Variants in TICAM2 observed in about 807,000 individuals in gnomAD.
The protein encoded by TICAM2 is TIR domain-containing adapter molecule 2.
Under a neutral mutation model 7.3 loss-of-function variants are expected in TICAM2, and 8 were observed. That is an observed-to-expected ratio of 1.10 (90% CI 0.65 to 1.99). The LOEUF (loss-of-function observed/expected upper bound fraction) is 1.99. Among genes scored for constraint, TICAM2 ranks in the 30% most tolerant of loss-of-function variants. The pLI is 0.00. For missense variants in TICAM2, 304 were observed against 278.8 expected, an observed-to-expected ratio of 1.09 and a Z score of -0.65; for synonymous variants, 113 against 99.6, an observed-to-expected ratio of 1.13 and a Z score of -0.80.
intron 1 of TICAM2, among the ~76,000 whole-genome samples, chr5:115,586,617 T>C (rs924495471): frequency 6.6e-6 from 1 of 152,174 alleles, no homozygotes; most frequent in African/African-American, 2.4e-5. Context: ...GACCGATGAA[T>C]GTAGCAATAT....
rs916305394 is a variant in TICAM2 at position 115,579,184 on chromosome 5, C to A, written c.*1365G>T. 2 of 152,552 alleles carry A rather than the reference C, an allele frequency of 1.3e-5. No homozygotes were observed. Among genetic ancestry groups the A allele is most frequent in the Admixed American group, 6.5e-5 (1 of 15,272 alleles). 9.4% of individuals were successfully genotyped at this position (152,552 alleles called of 1,614,324 possible). A position where few individuals can be genotyped will look rare whatever the true frequency, so the allele number is the denominator to read the frequency against. ...TATGCTGTCAATATACAAAAAATAT[C>A]TTTTCATTATAAGCATATATAAAGC... On this transcript the variant is annotated 3_prime_UTR_variant, in exon 2 of 2. Coordinates refer to ENST00000427199, the MANE Select transcript of TICAM2 (RefSeq NM_021649.7).
chr5:115,597,705 C>A (rs1452310580), intron 1 of TICAM2, among the ~76,000 whole-genome samples: 2 of 152,042 alleles, frequency 1.3e-5, no homozygotes. Context: ...AAGACTGATT[C>A]CAGGGGTTCC....
chr5:115,587,979 A>G (rs1342456279), intron 1 of TICAM2, among the ~76,000 whole-genome samples: 1 of 152,142 alleles, frequency 6.6e-6, no homozygotes, highest in Non-Finnish European at 1.5e-5. Context: ...TGAAAATCAG[A>G]CACAGAATGG....
chr5:115,598,998 G>C (rs1038580759), intron 1 of TICAM2, among the ~76,000 whole-genome samples: 3 of 151,594 alleles, frequency 2.0e-5, no homozygotes, highest in Admixed American at 2.0e-4. Context: ...GGAGGTTGAG[G>C]TGGGAAAATT....
chr5:115,601,284 T>C (rs1755724655), intron 1 of TICAM2, among the ~76,000 whole-genome samples: 1 of 146,116 alleles, frequency 6.8e-6, no homozygotes, highest in South Asian at 2.2e-4. Flanking sequence ...AATAAAAAAA[T>C]AGAAATACAG....
chr5:115,585,520 T>C lies in TICAM2; in HGVS notation c.-59-4205A>G, dbSNP rs576424315. 5.9e-5 allele frequency among the ~76,000 whole-genome samples: 9 copies of C among 152,282 alleles called. No homozygotes were observed. The South Asian group carries it at 1.4e-3, about 25-fold the overall frequency. ...CTGGTGCATGCTTCTTAGATTATCA[T>C]GGACAAGCAGTTTGAATAACCTTGC... On this transcript the variant is annotated intron_variant, in intron 1 of 1. Transcript: ENST00000427199.
At chr5:115,584,847 C>T (rs1204181771) in intron 1 of TICAM2, among the ~76,000 whole-genome samples, 2 of 152,086 alleles carry the variant, frequency 1.3e-5, no homozygotes, top group African/African-American at 4.8e-5. Flanking sequence ...CAGAATTTAT[C>T]CACTTCATAT....
At chr5:115,583,721 G>A (rs1755009998) in intron 1 of TICAM2, among the ~76,000 whole-genome samples, 1 of 152,194 alleles carries the variant, frequency 6.6e-6, no homozygotes, top group African/African-American at 2.4e-5. Context: ...GGGAGGAAGT[G>A]AGAGGACACG....
chr5:115,593,398 A>G, intron 1 of TICAM2, among the ~76,000 whole-genome samples: 1 of 88,628 alleles, frequency 1.1e-5, no homozygotes, highest in Non-Finnish European at 2.1e-5. Context: ...GATAAAAGAT[A>G]AAATTACAAA....
chr5:115,597,504 TATGA>T (rs1270553285), intron 1 of TICAM2, among the ~76,000 whole-genome samples: 4 of 152,226 alleles, frequency 2.6e-5, no homozygotes, highest in Non-Finnish European at 5.9e-5. Flanking sequence ...TAAAAATGTT[TATGA>T]ATGTTATGAA....
At chr5:115,594,091 G>A (rs1201178396) in intron 1 of TICAM2, among the ~76,000 whole-genome samples, 1 of 152,260 alleles carries the variant, frequency 6.6e-6, no homozygotes. Context: ...TCTTCTGCCA[G>A]GATGTCCAGC....
intron 1 of TICAM2, among the ~76,000 whole-genome samples, chr5:115,590,282 T>C (rs1223139638): frequency 6.6e-6 from 1 of 152,130 alleles, no homozygotes; most frequent in Non-Finnish European, 1.5e-5. Flanking sequence ...TGCACTCTAG[T>C]TTAGGCAACA....
chr5:115,594,476 C>G (rs1388955524), intron 1 of TICAM2, among the ~76,000 whole-genome samples: 2 of 152,110 alleles, frequency 1.3e-5, no homozygotes, highest in African/African-American at 4.8e-5. Flanking sequence ...ACATTTTTTG[C>G]TAGTAGATCA....
In TICAM2 at chr5:115,578,577, A is replaced by G. The variant is rs1461120749; in HGVS notation, c.*1972T>C. ...GTGTCTGGTGCTCTATGAAGTACAAATCGATGCTTCATTTCAAAACACTCT... is the reference window on the plus strand; with the variant it reads ...GTGTCTGGTGCTCTATGAAGTACAAGTCGATGCTTCATTTCAAAACACTCT... On this transcript the variant is annotated 3_prime_UTR_variant, in exon 2 of 2. Transcript: ENST00000427199. The G allele has an allele frequency of 6.6e-6, 1 of 152,182 alleles. No homozygotes were observed. The highest frequency in any genetic ancestry group is 2.4e-5 in the African/African-American group (1 of 41,436). The allele number at this position is 152,182 out of a possible 1,614,324, so 9.4% of individuals were successfully genotyped here.
chr5:115,599,736 A>G (rs1017911288), intron 1 of TICAM2, among the ~76,000 whole-genome samples: 1 of 152,234 alleles, frequency 6.6e-6, no homozygotes, highest in African/African-American at 2.4e-5. Context: ...ACAGCAGCAC[A>G]ATCAGTGTTA....
chr5:115,592,903 G>C (rs1424239787), intron 1 of TICAM2, among the ~76,000 whole-genome samples: 3 of 152,236 alleles, frequency 2.0e-5, no homozygotes, highest in Non-Finnish European at 4.4e-5. Flanking sequence ...AACACTTTGG[G>C]AGGCCAAGGT....
chr5:115,587,441 C>T (rs1359865328), intron 1 of TICAM2, among the ~76,000 whole-genome samples: 2 of 152,068 alleles, frequency 1.3e-5, no homozygotes, highest in Admixed American at 1.3e-4. Flanking sequence ...TTACTGTTGT[C>T]TGGAAGTTTA....
intron 1 of TICAM2, among the ~76,000 whole-genome samples, chr5:115,589,844 A>G (rs1755238037): frequency 6.6e-6 from 1 of 152,246 alleles, no homozygotes; most frequent in Non-Finnish European, 1.5e-5. Context: ...GCATATAGTT[A>G]GCATTCAAGA....
chr5:115,597,846 T>A (rs543190058), intron 1 of TICAM2, among the ~76,000 whole-genome samples: 2 of 152,314 alleles, frequency 1.3e-5, no homozygotes, highest in African/African-American at 4.8e-5. Flanking sequence ...TTTTGATCCA[T>A]GTTTTGTTGG....
Sources: gnomAD v4.1 joint callset for allele counts (sites outside exome capture counted in the v4.1 genomes callset) on GRCh38, gnomAD v4.1.1 for gene constraint, MANE v1.5 for transcripts, NCBI Gene and HGNC (gene_info 2026-07-23, HGNC 2026-07-21) for gene names.